The following TESC variants were observed in gnomAD, a reference collection of about 807,000 sequenced individuals.
TESC encodes the protein tescalcin, also known as calcineurin B homologous protein 3.
In TESC, 19 loss-of-function variants were observed where a neutral mutation model predicts 31.0. The ratio of observed to expected loss-of-function variants is 0.61; its 90% CI spans 0.43 to 0.90. The LOEUF is 0.90. Among genes scored for constraint, TESC ranks in the 40% least tolerant of loss-of-function variants. The pLI is 0.00. For missense variants in TESC, 248 were observed against 303.8 expected (o/e 0.82, Z 1.36); for synonymous variants, 109 against 114.8 (o/e 0.95, Z 0.32).
At chr12:117,097,328 A>G (rs1461469078) in intron 1 of TESC, among the ~76,000 whole-genome samples, 5 of 152,174 alleles carry the variant, frequency 3.3e-5, no homozygotes, top group African/African-American at 9.7e-5. Context: ...CAGAGCAGGA[A>G]CACAGCATCT....
At chr12:117,071,325 A>G (rs7308236) in intron 2 of TESC, among the ~76,000 whole-genome samples, 82,228 of 152,116 alleles carry the variant, frequency 0.54, 23,921 homozygotes, top group African/African-American at 0.77. Flanking sequence ...GGAAAAAGGC[A>G]ATCAGTTCCT....
rs180911200 is a variant in TESC, at chr12:117,042,720, G to A, written c.520-726C>T. Among the ~76,000 whole-genome samples the A allele has an allele frequency of 2.4e-3, 361 of 152,222 alleles. 13 individuals carry two copies. The highest frequency in any genetic ancestry group is 0.021 in the Admixed American group (323 of 15,294). ...TTCACCGATACTCCAGGATCCCACCGACAAGCCTCCAAAAACCTCACCCTG... is the reference window on the plus strand; with the variant it reads ...TTCACCGATACTCCAGGATCCCACCAACAAGCCTCCAAAAACCTCACCCTG... On this transcript the variant is annotated intron_variant, in intron 6 of 7. Transcript: ENST00000335209.
intron 6 of TESC, among the ~76,000 whole-genome samples, chr12:117,043,136 C>T (rs1434312532): frequency 6.6e-6 from 1 of 152,246 alleles, no homozygotes; most frequent in South Asian, 2.1e-4. Context: ...ACCAGACCCC[C>T]ACCATCTGCC....
At chr12:117,087,902 T>G (rs1158342174) in intron 1 of TESC, among the ~76,000 whole-genome samples, 1 of 152,200 alleles carries the variant, frequency 6.6e-6, no homozygotes, top group Non-Finnish European at 1.5e-5. Flanking sequence ...AGGCTAGGAC[T>G]CAGCCAAATG....
chr12:117,082,978 C>T (rs1955169013), intron 1 of TESC, among the ~76,000 whole-genome samples: 1 of 151,474 alleles, frequency 6.6e-6, no homozygotes, highest in Non-Finnish European at 1.5e-5. Context: ...AACTCTCATA[C>T]ATTACTAGCG....
chr12:117,080,540 A>G (rs556837270), intron 1 of TESC, among the ~76,000 whole-genome samples: 5 of 152,196 alleles, frequency 3.3e-5, no homozygotes, highest in African/African-American at 1.2e-4. Flanking sequence ...TAGGAAGACA[A>G]CCTCCCACCT....
At chr12:117,042,077 C>T in intron 6 of TESC, 83 bp from the exon 7 acceptor site, 1 of 1,387,698 alleles carries the variant, frequency 7.2e-7, no homozygotes, top group South Asian at 1.3e-5. Flanking sequence ...CTGGCCTCCC[C>T]TCCCCACCAA....
chr12:117,075,891 A>ATATATATATATATGTGTGTGTGTGTG (rs1955056577), intron 1 of TESC, among the ~76,000 whole-genome samples: 1 of 69,124 alleles, frequency 1.4e-5, no homozygotes, highest in African/African-American at 8.4e-5. Flanking sequence ...ATATATATAT[A>ATATATATATATATGTGTGTGTGTGTG]TATATATATA....
At chr12:117,090,316 G>A (rs780515496) in intron 1 of TESC, among the ~76,000 whole-genome samples, 14 of 152,232 alleles carry the variant, frequency 9.2e-5, no homozygotes, top group African/African-American at 4.8e-5. Flanking sequence ...CCAATTATGA[G>A]CACAAGGGCA....
At chr12:117,066,249 C>T in intron 2 of TESC, among the ~76,000 whole-genome samples, 1 of 135,474 alleles carries the variant, frequency 7.4e-6, no homozygotes, top group Non-Finnish European at 1.5e-5. Context: ...CTCTATCGCC[C>T]AGGCTGGAGT....
chr12:117,049,734 C>T (rs1189822859), intron 3 of TESC, among the ~76,000 whole-genome samples: 1 of 151,916 alleles, frequency 6.6e-6, no homozygotes, highest in Non-Finnish European at 1.5e-5. Flanking sequence ...CACCACGCCT[C>T]TAATAAAAAT....
chr12:117,066,200 CTTTTTT>C (rs58829406), intron 2 of TESC, among the ~76,000 whole-genome samples: 14 of 62,962 alleles, frequency 2.2e-4, no homozygotes, highest in African/African-American at 9.4e-4. Context: ...CTTCCTTTAG[CTTTTTT>C]TTTTTTTTTT....
chr12:117,039,270 GC>G, intron 7 of TESC, 60 bp from the exon 8 acceptor site: 14 of 1,526,868 alleles, frequency 9.2e-6, no homozygotes, highest in African/African-American at 1.4e-5. Context: ...ACCTGACCAG[GC>G]CCCCCGGTCC....
chr12:117,075,182 C>T (rs1955031162), intron 2 of TESC, 89 bp downstream of exon 2: 1 of 1,315,246 alleles, frequency 7.6e-7, no homozygotes, highest in Admixed American at 2.1e-5. Flanking sequence ...ACAACTACCC[C>T]CGCTACTCAG....
chr12:117,062,458 G>A (rs1954812028), intron 2 of TESC, among the ~76,000 whole-genome samples: 2 of 152,290 alleles, frequency 1.3e-5, no homozygotes, highest in Non-Finnish European at 2.9e-5. Context: ...GTGACCTCAG[G>A]TGATCTGCCC....
chr12:117,057,549 T>C (rs934592687), intron 2 of TESC, among the ~76,000 whole-genome samples: 4 of 152,244 alleles, frequency 2.6e-5, no homozygotes, highest in African/African-American at 7.2e-5. Context: ...AGTGGGGTGC[T>C]GGCTTGGAGC....
Position 117,049,065 on chromosome 12 carries a change from G to C in TESC, c.303C>G (p.Thr101=). ...ACAGCTCCACCTGTTCCTCGTCCATGGTGGTGTCGATGGGCCGGAAGTAGG... is the reference window on the plus strand; with the variant it reads ...ACAGCTCCACCTGTTCCTCGTCCATCGTGGTGTCGATGGGCCGGAAGTAGG... ...IMSYFRPIDT[T]MDEEQVELSR... The change falls in exon 4 of 8, where the codon ACC becomes ACG. Residue 101 remains threonine (T), a synonymous_variant. Coordinates refer to ENST00000335209, the MANE Select transcript of TESC (RefSeq NM_017899.4). The C allele has an allele frequency of 2.5e-6, 4 of 1,614,236 alleles. No individual in the cohort carries two copies. The highest frequency in any genetic ancestry group is 1.1e-5 in the South Asian group (1 of 91,086).
At chr12:117,095,971 G>A (rs10774902) in intron 1 of TESC, among the ~76,000 whole-genome samples, 41,869 of 152,092 alleles carry the variant, frequency 0.28, 5,893 homozygotes, top group Non-Finnish European at 0.31. Context: ...CTGTGGGACT[G>A]CAGGCAAGCT....
intron 2 of TESC, among the ~76,000 whole-genome samples, chr12:117,058,867 CA>C (rs1409457387): frequency 6.6e-6 from 1 of 152,134 alleles, no homozygotes; most frequent in African/African-American, 2.4e-5. Flanking sequence ...GGTTTGCAGG[CA>C]GGGGCGTCAG....
Sources: gnomAD v4.1 joint callset for allele counts (sites outside exome capture counted in the v4.1 genomes callset) on GRCh38, gnomAD v4.1.1 for gene constraint, MANE v1.5 for transcripts, NCBI Gene and HGNC (gene_info 2026-07-23, HGNC 2026-07-21) for gene names.